Variants in ARHGAP5 observed in about 807,000 individuals in gnomAD.
ARHGAP5 encodes rho GTPase-activating protein 5.
In ARHGAP5, 23 loss-of-function variants were observed where a neutral mutation model predicts 116.6. That is an observed-to-expected ratio of 0.20 (90% CI 0.14 to 0.28). The LOEUF (loss-of-function observed/expected upper bound fraction) is 0.28, where lower values mean the gene tolerates loss of function less well. Ranked by LOEUF, ARHGAP5 falls within the 10% of genes least tolerant of loss-of-function variation. The pLI is 1.00. For synonymous variants in ARHGAP5, 574 were observed against 602.0 expected, an observed-to-expected ratio of 0.95 and a Z score of 0.68; for missense variants, 1,405 against 1,774.8, an observed-to-expected ratio of 0.79 and a Z score of 3.74.
rs141747536 is a variant in ARHGAP5 at position 32,147,490 on chromosome 14, A to G, written c.3943+1150A>G. On this transcript the variant is annotated intron_variant, in intron 4 of 6. Transcript: ENST00000345122. ...AAGAATTGTTAGAGCGTAAGTAAAC[A>G]TGTATCTTGTACGCTGTTGGTTGTA... 2.9e-4 allele frequency among the ~76,000 whole-genome samples: 44 copies of G among 152,318 alleles called. No individual in the cohort carries two copies. The East Asian group carries it at 7.5e-3, about 26-fold the overall frequency.
chr14:32,145,737 G>A lies in ARHGAP5; in HGVS notation c.3866-526G>A, dbSNP rs189699106. ...GTTTTTAGCTGTATTTAGTGGGAGA[G>A]TAGGGAGAAATAAGTCTATTCATTT... On this transcript the variant is annotated intron_variant, in intron 3 of 6. Transcript: ENST00000345122. 4.6e-5 allele frequency among the ~76,000 whole-genome samples: 7 copies of A among 152,232 alleles called. No homozygotes were observed. The East Asian group carries it at 7.7e-4, about 17-fold the overall frequency.
chr14:32,146,356 T>C lies in ARHGAP5; in HGVS notation c.3943+16T>C. ...TTTGATCAAGGTAAGAAGATGATTA[T>C]GTGAAATAAAAATTGTTGTTTTATG... On this transcript the variant is annotated intron_variant, in intron 4 of 6. Coordinates refer to ENST00000345122, the MANE Select transcript of ARHGAP5 (RefSeq NM_001030055.2). 1 of 1,574,238 alleles carries C rather than the reference T, an allele frequency of 6.4e-7. No individual in the cohort carries two copies. The highest frequency in any genetic ancestry group is 1.4e-5 in the African/African-American group (1 of 74,036).
chr14:32,111,253 A>G (rs1594362046), intron 2 of ARHGAP5, among the ~76,000 whole-genome samples: 2 of 152,238 alleles, frequency 1.3e-5, no homozygotes, highest in Non-Finnish European at 2.9e-5. Flanking sequence ...ACAGAGCAAG[A>G]TGCTGTCTCA....
At position 32,092,863 on chromosome 14, in the gene ARHGAP5, G is replaced by T; in HGVS notation, c.2194G>T (p.Val732Leu). Residue 732 changes from valine to leucine, a missense_variant, in exon 2 of 7, where the codon GTA becomes TTA. Around this residue, in one of 6 missense-constraint regions of ARHGAP5, gnomAD observed 944 missense variants for 1,095.3 expected, o/e 0.86. Coordinates refer to ENST00000345122, the MANE Select transcript of ARHGAP5 (RefSeq NM_001030055.2). This position sits in a 1 kb window ranked among gnomAD's most constrained non-coding sequence, Gnocchi z 4.1. ...ANKLQCPFVD[V>L]PAGTYPRKFN... ...CAAGTTGCAATGTCCTTTTGTAGAT[G>T]TACCTGCTGGTACATATCCTCGTAA... The T allele has an allele frequency of 6.2e-7, 1 of 1,613,998 alleles. No homozygotes were observed. Among genetic ancestry groups the T allele is most frequent in the Non-Finnish European group, 8.5e-7 (1 of 1,179,930 alleles).
chr14:32,077,540 C>G, intron 1 of ARHGAP5, 105 bp downstream of exon 1: 1 of 622,360 alleles, frequency 1.6e-6, no homozygotes. Flanking sequence ...CGGTTGTAAC[C>G]AGTTGAAGGG....
chr14:32,132,726 A>G lies in ARHGAP5; in HGVS notation c.3866-13537A>G, dbSNP rs1482305403. ...GGGTTTTTATGGTTTTAGGTCTAACATTTAAGTCTTTAATCCATCTTGAAT... is the reference window on the plus strand; with the variant it reads ...GGGTTTTTATGGTTTTAGGTCTAACGTTTAAGTCTTTAATCCATCTTGAAT... On this transcript the variant is annotated intron_variant, in intron 3 of 6. Transcript: ENST00000345122. Among the ~76,000 whole-genome samples, 21 of 152,284 alleles carry G rather than the reference A, an allele frequency of 1.4e-4. No individual in the cohort carries two copies. The East Asian group carries it at 3.3e-3, about 24-fold the overall frequency.
rs1882005827 is a variant in ARHGAP5, at chr14:32,158,940, C to CACTATTTCAATGAATTCA, written c.*3992_*3993insACTATTTCAATGAATTCA. The CACTATTTCAATGAATTCA allele has an allele frequency of 6.6e-6, 1 of 151,974 alleles. No individual in the cohort carries two copies. Among genetic ancestry groups the CACTATTTCAATGAATTCA allele is most frequent in the Admixed American group, 6.6e-5 (1 of 15,264 alleles). The allele number at this position is 151,974 out of a possible 1,614,324, so 9.4% of individuals were successfully genotyped here. A position where few individuals can be genotyped will look rare whatever the true frequency, so the allele number is the denominator to read the frequency against. ...TGGGAGTCTTCACTATTCAATTGATCCTCATCATTGTCCTATTTGCATGAC... is the reference window on the plus strand; with the variant it reads ...TGGGAGTCTTCACTATTCAATTGATCACTATTTCAATGAATTCACTCATCATTGTCCTATTTGCATGAC... On this transcript the variant is annotated 3_prime_UTR_variant, in exon 7 of 7. Transcript: ENST00000345122.
In ARHGAP5 at chr14:32,091,482, A is replaced by G; in HGVS notation, c.813A>G (p.Thr271=). The G allele has an allele frequency of 6.2e-7, 1 of 1,613,292 alleles. No homozygotes were observed. The highest frequency in any genetic ancestry group is 1.1e-5 in the South Asian group (1 of 90,882). ...AAACACAGAGACAACTTGTTGTCACAGCAACAGATAAGTTTGAAAAACTTG... is the reference window on the plus strand; with the variant it reads ...AAACACAGAGACAACTTGTTGTCACGGCAACAGATAAGTTTGAAAAACTTG... ...AYKTQRQLVV[T]ATDKFEKLVQ... Residue 271 remains threonine, a synonymous_variant, in exon 2 of 7, where the codon ACA becomes ACG. Transcript: ENST00000345122.
chr14:32,107,075 G>A (rs1387342219), intron 2 of ARHGAP5, among the ~76,000 whole-genome samples: 7 of 152,148 alleles, frequency 4.6e-5, no homozygotes, highest in Non-Finnish European at 1.0e-4. Context: ...GACTGGTAGC[G>A]AGGTGTTTTT....
At chr14:32,107,204 T>G (rs553257141) in intron 2 of ARHGAP5, among the ~76,000 whole-genome samples, 120 of 152,358 alleles carry the variant, frequency 7.9e-4, no homozygotes, top group Non-Finnish European at 1.5e-3. Flanking sequence ...TCTTACAGAC[T>G]GTTGAAAGTA....
chr14:32,081,548 CAAAA>C (rs529516365), intron 1 of ARHGAP5, among the ~76,000 whole-genome samples: 7 of 48,886 alleles, frequency 1.4e-4, no homozygotes, highest in African/African-American at 2.7e-4. Flanking sequence ...GACTCCTTCT[CAAAA>C]AAAAAAAAAA....
Position 32,091,971 on chromosome 14 carries a change from C to A in ARHGAP5, c.1302C>A (p.Phe434Leu), listed in dbSNP as rs891978125. Residue 434 changes from phenylalanine to leucine, a missense_variant, in exon 2 of 7, where the codon TTC becomes TTA. Coordinates refer to ENST00000345122, the MANE Select transcript of ARHGAP5 (RefSeq NM_001030055.2). ...EKRRVEMKEK[F>L]KKTLEKIQFI... ...GGAGGGTGGAAATGAAGGAAAAATT[C>A]AAAAAGACTTTGGAAAAAATTCAAT... 3 of 1,613,454 alleles carry A rather than the reference C, an allele frequency of 1.9e-6. No individual in the cohort carries two copies. Among genetic ancestry groups the A allele is most frequent in the African/African-American group, 2.7e-5 (2 of 74,854 alleles).
intron 5 of ARHGAP5, among the ~76,000 whole-genome samples, chr14:32,150,244 G>C (rs1487288501): frequency 6.6e-6 from 1 of 152,150 alleles, no homozygotes; most frequent in Non-Finnish European, 1.5e-5. Context: ...TAGCCCCCTA[G>C]GTGACTTAAA....
At chr14:32,126,522 TCTTAC>T (rs1880162669) in intron 3 of ARHGAP5, among the ~76,000 whole-genome samples, 1 of 152,212 alleles carries the variant, frequency 6.6e-6, no homozygotes. Context: ...AATGACCACA[TCTTAC>T]CTTAACTAAC....
At position 32,097,142 on chromosome 14, in the gene ARHGAP5, A is replaced by T. The variant is rs189820173; in HGVS notation, c.3717+2756A>T. 4.6e-5 allele frequency among the ~76,000 whole-genome samples: 7 copies of T among 152,364 alleles called. No individual in the cohort carries two copies. In the East Asian group the frequency reaches 1.3e-3, roughly 29 times the overall value. On this transcript the variant is annotated intron_variant, in intron 2 of 6. Coordinates refer to ENST00000345122, the MANE Select transcript of ARHGAP5 (RefSeq NM_001030055.2). ...CTCAGTTTGCTAAGGTTGTTAAAAAATACCCAGTTTTTGCACCATGCATTA... is the reference window on the plus strand; with the variant it reads ...CTCAGTTTGCTAAGGTTGTTAAAAATTACCCAGTTTTTGCACCATGCATTA...
rs955436814 is a variant in ARHGAP5, at chr14:32,088,311, G to A, written c.-168-2191G>A. ...TAAAAATTCCCCGAAGTAATCACCA[G>A]ATAAGTCTTCTTTTGATGTACATTT... On this transcript the variant is annotated intron_variant, in intron 1 of 6. Coordinates refer to ENST00000345122, the MANE Select transcript of ARHGAP5 (RefSeq NM_001030055.2). Among the ~76,000 whole-genome samples, 5 of 151,986 alleles carry A rather than the reference G, an allele frequency of 3.3e-5. No homozygotes were observed. The South Asian group carries it at 6.2e-4, about 19-fold the overall frequency.
chr14:32,117,305 T>C lies in ARHGAP5; in HGVS notation c.3865+18T>C. ...AGATACAGGTAGGATAGAAGAATCA[T>C]TGCAAGAGATTTGATTTTAAATTTC... On this transcript the variant is annotated intron_variant, in intron 3 of 6. Transcript: ENST00000345122. 1.3e-6 allele frequency: 2 copies of C among 1,548,776 alleles called. No homozygotes were observed. The highest frequency in any genetic ancestry group is 8.7e-7 in the Non-Finnish European group (1 of 1,143,290).
intron 2 of ARHGAP5, among the ~76,000 whole-genome samples, chr14:32,100,268 G>A (rs374848137): frequency 6.6e-6 from 1 of 151,932 alleles, no homozygotes; most frequent in Non-Finnish European, 1.5e-5. Context: ...TGGTACCATC[G>A]AGCTCACTGC....
chr14:32,124,787 T>C (rs1880057848), intron 3 of ARHGAP5, among the ~76,000 whole-genome samples: 1 of 152,190 alleles, frequency 6.6e-6, no homozygotes, highest in African/African-American at 2.4e-5. Context: ...TGGTTTGGTC[T>C]TTAGATATGA....
Sources: allele counts gnomAD v4.1 joint callset (sites outside exome capture counted in the v4.1 genomes callset), GRCh38; gene constraint gnomAD v4.1.1; regional missense constraint gnomAD v4.1.1; non-coding constraint Gnocchi (gnomAD v3.1); transcripts MANE v1.5; gene names NCBI Gene and HGNC (gene_info 2026-07-23, HGNC 2026-07-21).